The following KCNA6 variants were observed in gnomAD, a reference collection of about 807,000 sequenced individuals.
KCNA6 encodes human brain potassium channel-2.
Under a neutral mutation model 29.5 loss-of-function variants are expected in KCNA6, and 17 were observed. The ratio of observed to expected loss-of-function variants is 0.58; its 90% confidence interval spans 0.39 to 0.86. KCNA6 has a LOEUF of 0.86. Among genes scored for constraint, KCNA6 ranks in the 40% least tolerant of loss-of-function variants. The probability of loss-of-function intolerance (pLI) is 0.00; values close to 1 mark genes in which losing one functional copy is unlikely to be tolerated. For synonymous variants in KCNA6, 296 were observed against 304.7 expected (o/e 0.97, Z 0.30); for missense variants, 450 against 703.4 (o/e 0.64, Z 4.07).
At chr12:4,843,212 ACT>A in the KCNA6 span, among the ~76,000 whole-genome samples, 1 of 148,162 alleles carries the variant, frequency 6.7e-6, no homozygotes, top group Non-Finnish European at 1.5e-5. Flanking sequence ...ACGGAGTCTC[ACT>A]CTGTCGCCCA....
the KCNA6 span, among the ~76,000 whole-genome samples, chr12:4,831,344 G>T: frequency 3.3e-5 from 5 of 151,900 alleles, no homozygotes; most frequent in African/African-American, 7.3e-5. Context: ...ACAATAACTC[G>T]TTATCACCCA....
At chr12:4,818,004 C>G (rs923991879), downstream of KCNA6, among the ~76,000 whole-genome samples, 1 of 152,186 alleles carries the variant, frequency 6.6e-6, no homozygotes, top group African/African-American at 2.4e-5. Flanking sequence ...TTGCTGTTCT[C>G]TCAGGGCTTG....
At chr12:4,848,443 A>G in the KCNA6 span, among the ~76,000 whole-genome samples, 2 of 151,168 alleles carry the variant, frequency 1.3e-5, no homozygotes, top group Admixed American at 6.6e-5. Flanking sequence ...TTATTTGTCT[A>G]TGTAATTTAC....
chr12:4,827,173 T>C, the KCNA6 span, among the ~76,000 whole-genome samples: 446 of 27,210 alleles, frequency 0.016, 7 homozygotes, highest in Admixed American at 0.033. Context: ...TCCCTCCTTC[T>C]TTCCTTCCTT....
the KCNA6 span, among the ~76,000 whole-genome samples, chr12:4,832,983 T>C: frequency 1.3e-5 from 2 of 152,126 alleles, no homozygotes; most frequent in African/African-American, 4.8e-5. Context: ...GCTGCCATTT[T>C]CTTGAAGGCA....
At chr12:4,849,154 TA>T in the KCNA6 span, among the ~76,000 whole-genome samples, 1 of 151,622 alleles carries the variant, frequency 6.6e-6, no homozygotes, top group African/African-American at 2.4e-5. Flanking sequence ...TAAAATAAAA[TA>T]AAAAATTACG....
chr12:4,835,523 G>A, the KCNA6 span, among the ~76,000 whole-genome samples: 3 of 151,182 alleles, frequency 2.0e-5, no homozygotes, highest in Non-Finnish European at 4.4e-5. Flanking sequence ...CTTTATAAAT[G>A]TAATTCTAAC....
the KCNA6 span, among the ~76,000 whole-genome samples, chr12:4,820,941 T>A: frequency 3.9e-5 from 6 of 152,170 alleles, no homozygotes; most frequent in African/African-American, 1.4e-4. Flanking sequence ...GAAACTGTCA[T>A]AGATTGGAAA....
In KCNA6 at chr12:4,810,670, G is replaced by C. The variant is rs1946619511; in HGVS notation, c.629G>C (p.Gly210Ala). 6.2e-7 allele frequency: 1 copy of C among 1,607,080 alleles called. No individual in the cohort carries two copies. Among genetic ancestry groups the C allele is most frequent in the East Asian group, 2.2e-5 (1 of 44,536 alleles). ...GATGGTCGAGGTGGAAACAATGGTG[G>C]TGTGAGTCGAGTCTCCCCAGTTTCC... The change falls in exon 1 of 1, where the codon GGT becomes GCT. Residue 210 changes from glycine to alanine, a missense_variant. By Grantham distance (60) the Gly-to-Ala change is moderately conservative. Around this residue, in one of 7 missense-constraint regions of KCNA6, gnomAD observed 74 missense variants for 71.5 expected, o/e 1.03. Coordinates refer to ENST00000280684, the Ensembl canonical transcript of KCNA6. The surrounding 1 kb of genome is among the most constrained non-coding windows in gnomAD (Gnocchi z 7.5).
exon 1 of KCNA6, chr12:4,809,873 C>G (rs1026417565): frequency 1.8e-5 from 13 of 731,184 alleles, no homozygotes; most frequent in Non-Finnish European, 2.6e-5. Context: ...TTGCAGGGAC[C>G]AGGGCTTTAG....
the KCNA6 span, among the ~76,000 whole-genome samples, chr12:4,841,589 A>G: frequency 1.3e-5 from 2 of 152,328 alleles, no homozygotes; most frequent in East Asian, 3.9e-4. Flanking sequence ...TTGGAAATAT[A>G]CCATCGATGA....
chr12:4,820,610 C>T, the KCNA6 span, among the ~76,000 whole-genome samples: 2 of 144,002 alleles, frequency 1.4e-5, no homozygotes, highest in Non-Finnish European at 3.0e-5. Context: ...AATAACTCTT[C>T]ATTTTCTACC....
chr12:4,824,908 A>G, the KCNA6 span, among the ~76,000 whole-genome samples: 2 of 152,266 alleles, frequency 1.3e-5, no homozygotes, highest in Admixed American at 1.3e-4. Context: ...ATATATCAAT[A>G]GAGAATAAGG....
At chr12:4,839,907 C>CT in the KCNA6 span, among the ~76,000 whole-genome samples, 4 of 151,890 alleles carry the variant, frequency 2.6e-5, no homozygotes, top group Admixed American at 1.3e-4. Flanking sequence ...AGGCAAAGTG[C>CT]TTTTTTTTCT....
chr12:4,810,704 T>C lies in KCNA6; in HGVS notation c.663T>C (p.Ser221=), dbSNP rs1166317015. The C allele has an allele frequency of 3.3e-5, 54 of 1,613,420 alleles. No individual in the cohort carries two copies. The highest frequency in any genetic ancestry group is 4.6e-5 in the Non-Finnish European group (54 of 1,179,846). The stretch of plus-strand genomic sequence containing the variant: ...GAGTCTCCCCAGTTTCCAGGGGGAG[T>C]CAGGAGGAAGAGGAGGATGAAGACG... The change falls in exon 1 of 1, where the codon AGT becomes AGC. Residue 221 remains serine, a synonymous_variant. Coordinates refer to ENST00000280684, the Ensembl canonical transcript of KCNA6. The surrounding 1 kb of genome is among the most constrained non-coding windows in gnomAD (Gnocchi z 7.5).
downstream of KCNA6, among the ~76,000 whole-genome samples, chr12:4,814,986 C>T (rs1004632931): frequency 2.6e-5 from 4 of 152,158 alleles, no homozygotes; most frequent in African/African-American, 9.7e-5. The surrounding 1 kb of genome is among the most constrained non-coding windows in gnomAD (Gnocchi z 4.6). Flanking sequence ...TTCTCTGTTT[C>T]TGTCCCCTTG....
rs143334097 is a variant in KCNA6 at position 4,810,848 on chromosome 12, G to A, written c.807G>A (p.Leu269=). 2 of 1,607,350 alleles carry A rather than the reference G, an allele frequency of 1.2e-6. No individual in the cohort carries two copies. The highest frequency in any genetic ancestry group is 1.3e-5 in the African/African-American group (1 of 74,836). The change falls in exon 1 of 1, where the codon CTG becomes CTA. Residue 269 remains leucine (L), a synonymous_variant. Transcript: ENST00000280684. The surrounding 1 kb of genome is among the most constrained non-coding windows in gnomAD (Gnocchi z 7.5). ...ACCCCTTCTTTCTGGTGGAGACGCT[G>A]TGCATTGTCTGGTTCACTTTTGAGC...
chr12:4,824,861 G>T, the KCNA6 span, among the ~76,000 whole-genome samples: 1 of 152,212 alleles, frequency 6.6e-6, no homozygotes, highest in East Asian at 1.9e-4. Flanking sequence ...TTTCAGGGAT[G>T]TCTTTAATTT....
the KCNA6 span, among the ~76,000 whole-genome samples, chr12:4,836,271 G>C: frequency 6.6e-6 from 1 of 152,122 alleles, no homozygotes; most frequent in Non-Finnish European, 1.5e-5. Flanking sequence ...CTTTATACCA[G>C]ACCTCACTCT....
Sources: gnomAD v4.1 joint callset for allele counts (sites outside exome capture counted in the v4.1 genomes callset) on GRCh38, gnomAD v4.1.1 for gene constraint, gnomAD v4.1.1 regional missense constraint, Gnocchi (gnomAD v3.1) non-coding constraint, MANE v1.5 for transcripts, NCBI Gene and HGNC (gene_info 2026-07-23, HGNC 2026-07-21) for gene names.